The following SLC38A1 variants were observed in gnomAD, a reference collection of about 807,000 sequenced individuals.
SLC38A1 encodes sodium-coupled neutral amino acid symporter 1.
A neutral mutation model predicts 60.3 loss-of-function variants in SLC38A1; 18 were observed. That is an observed-to-expected ratio of 0.30 (90% CI 0.21 to 0.44). The LOEUF (loss-of-function observed/expected upper bound fraction) is 0.44, where lower values mean the gene tolerates loss of function less well. Ranked by LOEUF, SLC38A1 falls within the 20% of genes least tolerant of loss-of-function variation. The pLI is 1.00. For synonymous variants in SLC38A1, 196 were observed against 212.1 expected (o/e 0.92, Z 0.66); for missense variants, 448 against 587.2 (o/e 0.76, Z 2.45).
intron 7 of SLC38A1, 97 bp from the exon 8 acceptor site, chr12:46,207,333 G>C: frequency 1.7e-6 from 2 of 1,171,988 alleles, no homozygotes; most frequent in East Asian, 5.0e-5. Flanking sequence ...CCAACTGTCA[G>C]TAAGACACAA....
intron 11 of SLC38A1, among the ~76,000 whole-genome samples, chr12:46,203,868 T>C (rs897383046): frequency 3.9e-5 from 6 of 152,216 alleles, no homozygotes; most frequent in African/African-American, 1.2e-4. Flanking sequence ...TCCATAATCC[T>C]CTGTTTCCCA....
intron 1 of SLC38A1, among the ~76,000 whole-genome samples, chr12:46,264,866 A>C (rs1210928107): frequency 5.3e-5 from 8 of 152,214 alleles, no homozygotes; most frequent in African/African-American, 1.9e-4. Context: ...ACATTCTTCA[A>C]AGTACTTCTG....
chr12:46,250,790 G>A (rs1489134035), intron 1 of SLC38A1, among the ~76,000 whole-genome samples: 2 of 152,164 alleles, frequency 1.3e-5, no homozygotes, highest in African/African-American at 4.8e-5. Context: ...TACAAGGGAT[G>A]TGAAGGACCT....
At chr12:46,213,243 C>T (rs530560091) in intron 5 of SLC38A1, among the ~76,000 whole-genome samples, 24 of 152,276 alleles carry the variant, frequency 1.6e-4, no homozygotes, top group South Asian at 1.4e-3. Flanking sequence ...TTCATTTTTA[C>T]GGCAACCACA....
intron 1 of SLC38A1, among the ~76,000 whole-genome samples, chr12:46,254,639 A>C (rs1438572581): frequency 6.6e-6 from 1 of 152,138 alleles, no homozygotes; most frequent in Non-Finnish European, 1.5e-5. Context: ...CAATTCCCCA[A>C]AGGGATTTGC....
intron 3 of SLC38A1, among the ~76,000 whole-genome samples, chr12:46,232,388 T>G (rs559156701): frequency 3.3e-5 from 5 of 152,318 alleles, no homozygotes; most frequent in Admixed American, 1.3e-4. Flanking sequence ...TAAGAAATAA[T>G]ATAGAATGTT....
intron 3 of SLC38A1, 38 bp downstream of exon 3, chr12:46,239,640 TC>T (rs1430873856): frequency 6.2e-7 from 1 of 1,610,410 alleles, no homozygotes; most frequent in Non-Finnish European, 8.5e-7. Context: ...ACGAGCCATT[TC>T]TTTCACTGGA....
In SLC38A1 at chr12:46,194,992, G is replaced by A. The variant is rs567932279; in HGVS notation, c.1362+2728C>T. Among the ~76,000 whole-genome samples, 88 of 151,070 alleles carry A rather than the reference G, an allele frequency of 5.8e-4. 1 individual carries two copies. Among genetic ancestry groups the A allele is most frequent in the Middle Eastern group, 3.4e-3 (1 of 292 alleles). Reference sequence around the variant, plus strand: ...TGTTCCCTTGCTGGCAAGGAGCTGCGATCCTTTGGAGGAGAAGAGGTGCTT... The same window carrying A: ...TGTTCCCTTGCTGGCAAGGAGCTGCAATCCTTTGGAGGAGAAGAGGTGCTT... On this transcript the variant is annotated intron_variant, in intron 16 of 16. Transcript: ENST00000398637.
intron 1 of SLC38A1, among the ~76,000 whole-genome samples, chr12:46,261,140 A>G: frequency 6.6e-6 from 1 of 152,208 alleles, no homozygotes; most frequent in East Asian, 1.9e-4. Context: ...GCCTATGCTA[A>G]CTTAAGTATG....
At chr12:46,203,145 A>C in intron 11 of SLC38A1, 56 bp from the exon 12 acceptor site, 1 of 1,395,038 alleles carries the variant, frequency 7.2e-7, no homozygotes, top group Non-Finnish European at 1.0e-6. Context: ...TAAAAAGGAC[A>C]TAGCTCCAGT....
At chr12:46,197,506 CAA>C in intron 16 of SLC38A1, 3 of 411,642 alleles carry the variant, frequency 7.3e-6, no homozygotes, top group Non-Finnish European at 1.3e-5. Context: ...GACTCCATCT[CAA>C]AAAAAAAGAG....
At chr12:46,243,462 A>G (rs1565787561) in intron 1 of SLC38A1, 148 bp from the exon 2 acceptor site, 1 of 152,140 alleles carries the variant, frequency 6.6e-6, no homozygotes, top group Non-Finnish European at 1.5e-5. Context: ...GCACAGGTCT[A>G]CACCATTACT....
chr12:46,217,293 C>T (rs919776716), intron 5 of SLC38A1, among the ~76,000 whole-genome samples: 48 of 152,238 alleles, frequency 3.2e-4, no homozygotes, highest in African/African-American at 9.9e-4. Flanking sequence ...CTACCCATCA[C>T]GTTGCATTGT....
At chr12:46,241,167 T>G (rs1014080829) in intron 2 of SLC38A1, among the ~76,000 whole-genome samples, 16 of 152,130 alleles carry the variant, frequency 1.1e-4, no homozygotes, top group African/African-American at 3.9e-4. Flanking sequence ...TTAAAAAAAA[T>G]GTCATTAGCA....
intron 1 of SLC38A1, among the ~76,000 whole-genome samples, chr12:46,256,210 T>C (rs1942017726): frequency 6.6e-6 from 1 of 151,384 alleles, no homozygotes; most frequent in East Asian, 1.9e-4. Flanking sequence ...TTTATGACCT[T>C]AAGGCATTTA....
intron 5 of SLC38A1, among the ~76,000 whole-genome samples, chr12:46,224,596 C>T (rs1940794277): frequency 6.6e-6 from 1 of 152,120 alleles, no homozygotes. Context: ...CCTGTGTTGG[C>T]CAATGTGAGT....
At chr12:46,246,372 C>T (rs1278163687) in intron 1 of SLC38A1, among the ~76,000 whole-genome samples, 3 of 152,248 alleles carry the variant, frequency 2.0e-5, no homozygotes, top group African/African-American at 4.8e-5. Flanking sequence ...CCTGGATCGG[C>T]AGGTCCCATG....
At chr12:46,191,217 A>G (rs1429616142) in intron 16 of SLC38A1, among the ~76,000 whole-genome samples, 1 of 152,122 alleles carries the variant, frequency 6.6e-6, no homozygotes, top group Non-Finnish European at 1.5e-5. Context: ...TGTTTTTGTC[A>G]GGTTTGTCAA....
At chr12:46,265,327 AG>A (rs1416686234) in intron 1 of SLC38A1, among the ~76,000 whole-genome samples, 2 of 152,226 alleles carry the variant, frequency 1.3e-5, no homozygotes, top group African/African-American at 4.8e-5. Context: ...CATCACCTGG[AG>A]TAACAACAGT....
Sources: allele counts gnomAD v4.1 joint callset (sites outside exome capture counted in the v4.1 genomes callset), GRCh38; gene constraint gnomAD v4.1.1; transcripts MANE v1.5; gene names NCBI Gene and HGNC (gene_info 2026-07-23, HGNC 2026-07-21).